RASAL2: variants seen among roughly 807,000 people sequenced by gnomAD.
RASAL2 encodes RAS protein activator like 2, also known as ras GTPase-activating protein nGAP.
RASAL2 carries 58 observed loss-of-function variants against 128.9 expected under a neutral mutation model. The observed-to-expected ratio is 0.45, with a 90% CI of 0.36 to 0.56. The LOEUF (loss-of-function observed/expected upper bound fraction) is 0.56. Ranked by LOEUF, RASAL2 falls within the 20% of genes least tolerant of loss-of-function variation. RASAL2 has a pLI of 0.00. For missense variants in RASAL2, 1,360 were observed against 1,601.6 expected (o/e 0.85, Z 2.57); for synonymous variants, 561 against 580.8 (o/e 0.97, Z 0.49).
intron 2 of RASAL2, among the ~76,000 whole-genome samples, chr1:178,295,280 G>T (rs184668455): frequency 1.3e-5 from 2 of 150,662 alleles, no homozygotes; most frequent in Admixed American, 6.6e-5. Context: ...GGGTACATGT[G>T]CAGAATGTTC....
chr1:178,405,777 A>G (rs1217802356), intron 4 of RASAL2, among the ~76,000 whole-genome samples: 1 of 152,246 alleles, frequency 6.6e-6, no homozygotes, highest in East Asian at 1.9e-4. Context: ...ATTTGTTATA[A>G]TGGCAGTTGA....
intron 3 of RASAL2, among the ~76,000 whole-genome samples, chr1:178,308,810 G>A (rs1434744351): frequency 2.0e-5 from 3 of 151,852 alleles, no homozygotes; most frequent in Non-Finnish European, 4.4e-5. Flanking sequence ...GATTAAATTA[G>A]CCTCAGTTCT....
chr1:178,244,122 A>G (rs1409346175), intron 1 of RASAL2, among the ~76,000 whole-genome samples: 3 of 152,206 alleles, frequency 2.0e-5, no homozygotes, highest in Non-Finnish European at 4.4e-5. Context: ...TTGCACTTAT[A>G]CAGTATTCAG....
intron 9 of RASAL2, among the ~76,000 whole-genome samples, chr1:178,447,325 A>AT (rs1311188991): frequency 1.2e-3 from 186 of 151,828 alleles, no homozygotes; most frequent in African/African-American, 4.0e-3. Context: ...TTGTCTTAAA[A>AT]AAAATAAATA....
chr1:178,223,857 G>A (rs1663699039), intron 1 of RASAL2, among the ~76,000 whole-genome samples: 1 of 152,092 alleles, frequency 6.6e-6, no homozygotes, highest in Admixed American at 6.6e-5. Context: ...GAGAGATGGT[G>A]ATAACTAAGG....
intron 3 of RASAL2, among the ~76,000 whole-genome samples, chr1:178,345,997 G>T (rs1366843081): frequency 6.6e-6 from 1 of 152,212 alleles, no homozygotes; most frequent in African/African-American, 2.4e-5. Context: ...TTATTTCAAT[G>T]CTTTCAACAT....
intron 3 of RASAL2, among the ~76,000 whole-genome samples, chr1:178,303,864 C>T (rs931415069): frequency 2.6e-5 from 4 of 151,858 alleles, no homozygotes; most frequent in African/African-American, 7.3e-5. Context: ...TGTCTGATTC[C>T]GTTTATATCA....
chr1:178,466,116 T>G lies in RASAL2; in HGVS notation c.3584T>G (p.Ile1195Ser). Residue 1195 changes from isoleucine to serine, a missense_variant, in exon 16 of 18, where the codon ATC (isoleucine) becomes AGC (serine). By Grantham distance (142) the Ile-to-Ser change is moderately radical (BLOSUM62 -2). This residue lies in a region of RASAL2 where 741 missense variants were observed against 868.6 expected (regional missense o/e 0.85). Coordinates refer to ENST00000367649, the MANE Select transcript of RASAL2 (RefSeq NM_170692.4). Reference sequence around the variant, plus strand: ...AAAGATAGCCAGATGAAAAGCATCATCAGCAGGTTAGACATCACCTGGCAG... The same window carrying G: ...AAAGATAGCCAGATGAAAAGCATCAGCAGCAGGTTAGACATCACCTGGCAG... The part of the protein sequence containing the change: ...EEKDSQMKSI[I>S]SRLMAVEEEL... The G allele has an allele frequency of 6.4e-7, 1 of 1,557,492 alleles. No homozygotes were observed. The highest frequency in any genetic ancestry group is 8.7e-7 in the Non-Finnish European group (1 of 1,150,430).
intron 1 of RASAL2, among the ~76,000 whole-genome samples, chr1:178,199,304 C>T (rs1662784181): frequency 6.6e-6 from 1 of 152,318 alleles, no homozygotes; most frequent in East Asian, 1.9e-4. Context: ...CCTCCGTGGG[C>T]TGTACCCACT....
chr1:178,377,216 A>G (rs1672037670), intron 3 of RASAL2, among the ~76,000 whole-genome samples: 1 of 152,124 alleles, frequency 6.6e-6, no homozygotes, highest in Admixed American at 6.6e-5. Context: ...GGCAACTATT[A>G]TCTGATTCCC....
intron 1 of RASAL2, among the ~76,000 whole-genome samples, chr1:178,238,415 C>T (rs547798769): frequency 1.3e-5 from 2 of 152,230 alleles, no homozygotes; most frequent in East Asian, 1.9e-4. Flanking sequence ...GTTTTCATTT[C>T]GCCTGGGCAT....
intron 5 of RASAL2, among the ~76,000 whole-genome samples, chr1:178,421,927 A>T (rs1416273945): frequency 1.3e-5 from 2 of 151,930 alleles, no homozygotes; most frequent in Non-Finnish European, 2.9e-5. Flanking sequence ...TATTTTTCTT[A>T]GTTTCCTGTT....
intron 4 of RASAL2, among the ~76,000 whole-genome samples, chr1:178,409,880 A>C (rs1198455429): frequency 6.6e-6 from 1 of 152,224 alleles, no homozygotes; most frequent in South Asian, 2.1e-4. Flanking sequence ...ATGGAGGGAT[A>C]GTAGAAGCCA....
At chr1:178,309,856 T>A (rs1018233739) in intron 3 of RASAL2, among the ~76,000 whole-genome samples, 2 of 152,164 alleles carry the variant, frequency 1.3e-5, no homozygotes, top group African/African-American at 2.4e-5. Flanking sequence ...AAGTGTATTT[T>A]GAATTGATAG....
chr1:178,273,675 A>G (rs1256007457), intron 1 of RASAL2, among the ~76,000 whole-genome samples: 1 of 152,254 alleles, frequency 6.6e-6, no homozygotes, highest in Non-Finnish European at 1.5e-5. Flanking sequence ...ATCATGGAAT[A>G]TAGGCTCCTG....
intron 3 of RASAL2, among the ~76,000 whole-genome samples, chr1:178,305,758 C>G (rs1667955616): frequency 6.6e-6 from 1 of 152,102 alleles, no homozygotes; most frequent in African/African-American, 2.4e-5. Context: ...ACTACAGATA[C>G]AAATTGCAAG....
At chr1:178,110,138 A>G (rs2102242052) in intron 1 of RASAL2, among the ~76,000 whole-genome samples, 1 of 152,358 alleles carries the variant, frequency 6.6e-6, no homozygotes, top group African/African-American at 2.4e-5. Flanking sequence ...CACAAGCAAG[A>G]AAATGAACAC....
At chr1:178,193,853 A>G (rs986348743) in intron 1 of RASAL2, among the ~76,000 whole-genome samples, 3 of 152,212 alleles carry the variant, frequency 2.0e-5, no homozygotes, top group Non-Finnish European at 2.9e-5. Context: ...AGCTATTACA[A>G]ATGCACATGG....
chr1:178,363,200 C>A (rs958017935), intron 3 of RASAL2, among the ~76,000 whole-genome samples: 4 of 152,086 alleles, frequency 2.6e-5, no homozygotes, highest in Non-Finnish European at 5.9e-5. Context: ...TGATAATAGC[C>A]ATCCTAAAAG....
Sources: gnomAD v4.1 joint callset for allele counts (sites outside exome capture counted in the v4.1 genomes callset) on GRCh38, gnomAD v4.1.1 for gene constraint, gnomAD v4.1.1 regional missense constraint, MANE v1.5 for transcripts, NCBI Gene and HGNC (gene_info 2026-07-23, HGNC 2026-07-21) for gene names.